ROS1: variants seen among roughly 807,000 people sequenced by gnomAD.
ROS1 encodes the protein proto-oncogene tyrosine-protein kinase ROS.
Under a neutral mutation model 273.5 loss-of-function variants are expected in ROS1, and 263 were observed. The ratio of observed to expected loss-of-function variants is 0.96; its 90% CI spans 0.87 to 1.06. The LOEUF is 1.06. ROS1 is among the 50% of genes least tolerant of loss of function. ROS1 has a pLI of 0.00. For synonymous variants in ROS1, 1,008 were observed against 954.1 expected (o/e 1.06, Z -1.04); for missense variants, 2,833 against 2,751.1 (o/e 1.03, Z -0.67).
rs564543551 is a variant in ROS1 at position 117,393,828 on chromosome 6, T to C, written c.1191+334A>G. On this transcript the variant is annotated intron_variant, in intron 11 of 43. Coordinates refer to ENST00000368507, the MANE Select transcript of ROS1 (RefSeq NM_001378902.1). ...CTGGTTATGATATAATTTTAAATGC[T>C]TGCAGCTAACTTTGATCATGACTGG... 5.9e-5 allele frequency among the ~76,000 whole-genome samples: 9 copies of C among 152,306 alleles called. No homozygotes were observed. The South Asian group carries it at 8.3e-4, about 14-fold the overall frequency.
chr6:117,404,647 T>G (rs944134491), intron 5 of ROS1, among the ~76,000 whole-genome samples: 1 of 152,252 alleles, frequency 6.6e-6, no homozygotes, highest in African/African-American at 2.4e-5. Context: ...TTGTTATCTT[T>G]GAACACAGTA....
Position 117,412,270 on chromosome 6 carries a change from C to A in ROS1, c.255+2249G>T, listed in dbSNP as rs1292568542. On this transcript the variant is annotated intron_variant, in intron 4 of 43. Transcript: ENST00000368507. The stretch of plus-strand genomic sequence containing the variant: ...TAAGATCAATTGGCTATAATAAGAT[C>A]TATTTTGACTATTTTATACTACATA... Among the ~76,000 whole-genome samples the A allele has an allele frequency of 3.3e-5, 5 of 151,920 alleles. No individual in the cohort carries two copies. In the South Asian group the frequency reaches 8.3e-4, roughly 25 times the overall value.
At chr6:117,396,737 G>A (rs1012696946) in intron 8 of ROS1, among the ~76,000 whole-genome samples, 178 bp downstream of exon 8, 1 of 152,128 alleles carries the variant, frequency 6.6e-6, no homozygotes, top group Non-Finnish European at 1.5e-5. Context: ...TGCTTAGGAT[G>A]CTATAATCTA....
chr6:117,377,940 A>G (rs1781471325), intron 18 of ROS1, among the ~76,000 whole-genome samples: 1 of 152,194 alleles, frequency 6.6e-6, no homozygotes, highest in Non-Finnish European at 1.5e-5. Flanking sequence ...ATCAAAATTG[A>G]TAGTCATCAG....
Position 117,362,785 on chromosome 6 carries a change from A to G in ROS1, c.3184T>C (p.Phe1062Leu). ...CCNKNEVVVE[F>L]RWNKPKHENG... ...TCATGCTTAGGTTTGTTCCACCTAAATTCCACCACAACTTCATTCTTGTTG... is the reference window on the plus strand; with the variant it reads ...TCATGCTTAGGTTTGTTCCACCTAAGTTCCACCACAACTTCATTCTTGTTG... The change falls in exon 22 of 44, where the codon TTT (phenylalanine) becomes CTT (leucine). Residue 1062 changes from phenylalanine (F) to leucine (L), a missense_variant. Coordinates refer to ENST00000368507, the MANE Select transcript of ROS1 (RefSeq NM_001378902.1). The G allele has an allele frequency of 6.2e-7, 1 of 1,613,704 alleles. No individual in the cohort carries two copies. Among genetic ancestry groups the G allele is most frequent in the Admixed American group, 1.7e-5 (1 of 59,986 alleles).
In ROS1 at chr6:117,389,390, A is replaced by G. The variant is rs766750474; in HGVS notation, c.1746T>C (p.Ala582=). The change falls in exon 13 of 44, where the codon GCT becomes GCC. Residue 582 remains alanine, a synonymous_variant. Transcript: ENST00000368507. ...GGGCAGGAGGCTTCCATTGAACAAG[A>G]GCCTGGTGAGAGCCAAACAGCACCG... ...ELSVLFGSHQ[A]LVQWKPPALA... 2 of 1,614,140 alleles carry G rather than the reference A, an allele frequency of 1.2e-6. No individual in the cohort carries two copies. The highest frequency in any genetic ancestry group is 1.7e-6 in the Non-Finnish European group (2 of 1,180,018).
At chr6:117,306,428 A>T (rs1055091806) in intron 42 of ROS1, among the ~76,000 whole-genome samples, 7 of 152,120 alleles carry the variant, frequency 4.6e-5, no homozygotes, top group African/African-American at 1.7e-4. Context: ...CTTGAAGTAG[A>T]TTGCCCTTTG....
chr6:117,365,659 A>T lies in ROS1; in HGVS notation c.2880T>A (p.Phe960Leu), dbSNP rs2128660766. The T allele has an allele frequency of 6.2e-7, 1 of 1,613,022 alleles. No homozygotes were observed. Among genetic ancestry groups the T allele is most frequent in the Non-Finnish European group, 8.5e-7 (1 of 1,179,236 alleles). Reference protein sequence around the residue: ...SFRIEGNASSFQILWNGPPAV... With the variant: ...SFRIEGNASSLQILWNGPPAV... ...CAGGGGGACCATTCCACAGGATTTGAAAACTTGAAGCATTTCCTTCAATCC... is the reference window on the plus strand; with the variant it reads ...CAGGGGGACCATTCCACAGGATTTGTAAACTTGAAGCATTTCCTTCAATCC... Residue 960 changes from phenylalanine (F) to leucine (L), a missense_variant, in exon 20 of 44, where the codon TTT (phenylalanine) becomes TTA (leucine). Transcript: ENST00000368507.
intron 4 of ROS1, among the ~76,000 whole-genome samples, chr6:117,411,445 G>C (rs1235530088): frequency 6.6e-6 from 1 of 152,120 alleles, no homozygotes; most frequent in Admixed American, 6.6e-5. Context: ...GAAGCCTCTG[G>C]ATGGGACATT....
At chr6:117,401,000 G>A (rs1443140348) in intron 7 of ROS1, among the ~76,000 whole-genome samples, 2 of 152,148 alleles carry the variant, frequency 1.3e-5, no homozygotes, top group Non-Finnish European at 2.9e-5. Flanking sequence ...ATCTAGGAAA[G>A]CCACTCCTCC....
At chr6:117,395,029 C>G (rs1582838365) in intron 9 of ROS1, among the ~76,000 whole-genome samples, 1 of 152,144 alleles carries the variant, frequency 6.6e-6, no homozygotes, top group Admixed American at 6.5e-5. Flanking sequence ...CTTGCCCCAG[C>G]TCAGCTTATT....
intron 23 of ROS1, 67 bp downstream of exon 23, chr6:117,360,273 GAC>G (rs36181502): frequency 4.3e-4 from 327 of 762,938 alleles, no homozygotes; most frequent in Admixed American, 9.9e-4. Flanking sequence ...ACACCAATGG[GAC>G]ACACACACAC....
Position 117,393,262 on chromosome 6 carries a change from A to G in ROS1, c.1251T>C (p.Ile417=). The part of the protein sequence containing the change: ...SNIEEITPPS[I]SAPQKIVADS... ...CAGCCACAATTTTTTGAGGTGCACT[A>G]ATAGAGGGTGGAGTAATTTCCTCGA... Residue 417 remains isoleucine, a synonymous_variant, in exon 12 of 44, where the codon ATT becomes ATC. Coordinates refer to ENST00000368507, the MANE Select transcript of ROS1 (RefSeq NM_001378902.1). The G allele has an allele frequency of 6.2e-7, 1 of 1,612,510 alleles. No individual in the cohort carries two copies. The highest frequency in any genetic ancestry group is 1.1e-5 in the South Asian group (1 of 91,022).
rs184319670 is a variant in ROS1, at chr6:117,345,128, G to A, written c.4304-866C>T. Among the ~76,000 whole-genome samples, 421 of 152,282 alleles carry A rather than the reference G, an allele frequency of 2.8e-3. 2 individuals carry two copies. Among genetic ancestry groups the A allele is most frequent in the African/African-American group, 9.6e-3 (400 of 41,548 alleles). On this transcript the variant is annotated intron_variant, in intron 27 of 43. Transcript: ENST00000368507. ...CATTGTGCGTGGCACTGTGCAATCT[G>A]GCTCCTGCCCGCATATCCAGTCTCT...
chr6:117,392,537 A>G (rs1013867491), intron 12 of ROS1, among the ~76,000 whole-genome samples: 2 of 152,234 alleles, frequency 1.3e-5, no homozygotes, highest in African/African-American at 4.8e-5. Context: ...TGGAGTTCAC[A>G]AAATACATGC....
chr6:117,307,021 C>T (rs1775153274), intron 42 of ROS1, among the ~76,000 whole-genome samples: 3 of 152,052 alleles, frequency 2.0e-5, no homozygotes, highest in Admixed American at 2.0e-4. Context: ...AATGGCAATC[C>T]AATCAATAAA....
At chr6:117,422,323 T>A (rs2128750319) in intron 1 of ROS1, among the ~76,000 whole-genome samples, 1 of 152,302 alleles carries the variant, frequency 6.6e-6, no homozygotes, top group Admixed American at 6.5e-5. Context: ...AAGTCATACC[T>A]TTTTACAAAA....
chr6:117,334,462 C>T (rs1582651871), intron 32 of ROS1, among the ~76,000 whole-genome samples: 2 of 152,130 alleles, frequency 1.3e-5, no homozygotes, highest in African/African-American at 2.4e-5. Flanking sequence ...ATCTAACTAC[C>T]GTTGACATTC....
intron 7 of ROS1, among the ~76,000 whole-genome samples, chr6:117,400,281 T>C (rs1478479059): frequency 6.6e-6 from 1 of 152,216 alleles, no homozygotes; most frequent in African/African-American, 2.4e-5. Flanking sequence ...TAAACTTCCA[T>C]GGGAATTTGT....
Sources: gnomAD v4.1 joint callset for allele counts (sites outside exome capture counted in the v4.1 genomes callset) on GRCh38, gnomAD v4.1.1 for gene constraint, MANE v1.5 for transcripts, NCBI Gene and HGNC (gene_info 2026-07-23, HGNC 2026-07-21) for gene names.